Variants in AGMO observed in about 807,000 individuals in gnomAD.
AGMO encodes the protein alkylglycerol monooxygenase, also known as glyceryl-ether monooxygenase.
In AGMO, 75 loss-of-function variants were observed where a neutral mutation model predicts 60.2. The observed-to-expected ratio is 1.25, with a 90% CI of 1.03 to 1.51. The LOEUF (loss-of-function observed/expected upper bound fraction) is 1.51, where lower values mean the gene tolerates loss of function less well. Among genes scored for constraint, AGMO ranks in the 40% most tolerant of loss-of-function variants. The pLI is 0.00. For missense variants in AGMO, 763 were observed against 525.5 expected (o/e 1.45, Z -4.42); for synonymous variants, 261 against 177.1 (o/e 1.47, Z -3.76).
chr7:15,224,896 CACA>C lies in AGMO; in HGVS notation c.1264-23540_1264-23538del, dbSNP rs543030055. Among the ~76,000 whole-genome samples the C allele has an allele frequency of 2.0e-5, 3 of 152,018 alleles. No individual in the cohort carries two copies. The South Asian group carries it at 6.2e-4, about 32-fold the overall frequency. ...CATATTGCACATCTAGTGATATTGGCACAATTTCAAATTTTTAATTTTTTAACT... is the reference window on the plus strand; with the variant it reads ...CATATTGCACATCTAGTGATATTGGCATTTCAAATTTTTAATTTTTTAACT... On this transcript the variant is annotated intron_variant, in intron 12 of 12. Coordinates refer to ENST00000342526, the MANE Select transcript of AGMO (RefSeq NM_001004320.2).
intron 12 of AGMO, among the ~76,000 whole-genome samples, chr7:15,357,699 T>C (rs893059048): frequency 2.0e-5 from 3 of 152,200 alleles, no homozygotes; most frequent in Non-Finnish European, 4.4e-5. Context: ...TGAGAGGCTA[T>C]GCGGACAGAA....
chr7:15,121,455 C>T, the AGMO span, among the ~76,000 whole-genome samples: 23 of 152,256 alleles, frequency 1.5e-4, no homozygotes, highest in African/African-American at 4.3e-4. Flanking sequence ...AAAAGCGTTC[C>T]TATTTCTCCA....
At chr7:15,510,094 G>C (rs1783628311) in intron 3 of AGMO, among the ~76,000 whole-genome samples, 1 of 152,118 alleles carries the variant, frequency 6.6e-6, no homozygotes, top group African/African-American at 2.4e-5. Flanking sequence ...AACCAGTATA[G>C]GGAAGAGATC....
chr7:15,471,775 T>G (rs1226340600), intron 3 of AGMO, among the ~76,000 whole-genome samples: 1 of 151,850 alleles, frequency 6.6e-6, no homozygotes, highest in Non-Finnish European at 1.5e-5. Context: ...GACTGCAATT[T>G]AAAATTTCCA....
chr7:15,287,625 G>T (rs888746767), intron 12 of AGMO, among the ~76,000 whole-genome samples: 3 of 152,120 alleles, frequency 2.0e-5, no homozygotes, highest in Admixed American at 1.3e-4. Context: ...AAAGTGAGTT[G>T]TATCAATTTA....
chr7:15,214,915 C>G (rs1781690822), intron 12 of AGMO, among the ~76,000 whole-genome samples: 1 of 151,950 alleles, frequency 6.6e-6, no homozygotes, highest in South Asian at 2.1e-4. Context: ...CTTTAACTGC[C>G]TACATCTTTT....
intron 3 of AGMO, among the ~76,000 whole-genome samples, chr7:15,453,049 G>T (rs182174933): frequency 6.6e-6 from 1 of 152,016 alleles, no homozygotes; most frequent in African/African-American, 2.4e-5. Flanking sequence ...GTAGATTAGC[G>T]GCTGCCAAGG....
In AGMO at chr7:15,324,671, G is replaced by A. The variant is rs1458543254; in HGVS notation, c.1263+40843C>T. On this transcript the variant is annotated intron_variant, in intron 12 of 12. Transcript: ENST00000342526. ...AAGGCAATTTTCCCACAGATGGTGG[G>A]GGGCGGTGTCGGGGAGAAGATACGG... Among the ~76,000 whole-genome samples the A allele has an allele frequency of 2.6e-5, 4 of 152,118 alleles. No individual in the cohort carries two copies. In the East Asian group the frequency reaches 7.7e-4, roughly 29 times the overall value.
At position 15,390,906 on chromosome 7, in the gene AGMO, C is replaced by G. The variant is rs1177859754; in HGVS notation, c.677-1G>C. On this transcript the variant is annotated splice_acceptor_variant, in intron 6 of 12. Transcript: ENST00000342526. LOFTEE classifies it high-confidence loss of function. ...TTGTCTATGCAATAACGATTTCTGCCTATGAGACAAAATATTAGAAATTTT... is the reference window on the plus strand; with the variant it reads ...TTGTCTATGCAATAACGATTTCTGCGTATGAGACAAAATATTAGAAATTTT... 3.1e-5 allele frequency: 49 copies of G among 1,579,622 alleles called. No individual in the cohort carries two copies. Among genetic ancestry groups the G allele is most frequent in the Non-Finnish European group, 4.2e-5 (49 of 1,161,588 alleles).
intron 12 of AGMO, among the ~76,000 whole-genome samples, chr7:15,269,216 A>T (rs1331101019): frequency 6.6e-6 from 1 of 152,112 alleles, no homozygotes; most frequent in Non-Finnish European, 1.5e-5. Flanking sequence ...CTGACTCCTG[A>T]TTTAGCAGCT....
chr7:15,201,914 A>G (rs1172739926), intron 12 of AGMO, among the ~76,000 whole-genome samples: 2 of 152,162 alleles, frequency 1.3e-5, no homozygotes, highest in Non-Finnish European at 2.9e-5. Flanking sequence ...CTGAAGACTT[A>G]ACTGAATCAT....
chr7:15,285,833 A>G (rs911412064), intron 12 of AGMO, among the ~76,000 whole-genome samples: 1 of 152,184 alleles, frequency 6.6e-6, no homozygotes, highest in Non-Finnish European at 1.5e-5. Flanking sequence ...CTACAAAGTC[A>G]TAACTACCAA....
chr7:15,447,808 C>T (rs1216461215), intron 3 of AGMO, among the ~76,000 whole-genome samples: 2 of 152,086 alleles, frequency 1.3e-5, no homozygotes, highest in African/African-American at 4.8e-5. Context: ...CTGCCTTGGC[C>T]TCCCAAAGCA....
intron 12 of AGMO, among the ~76,000 whole-genome samples, chr7:15,336,931 A>G (rs966100668): frequency 1.3e-5 from 2 of 152,212 alleles, no homozygotes; most frequent in African/African-American, 4.8e-5. Flanking sequence ...TGGTCCTTTT[A>G]AAGTTCATGA....
chr7:15,187,791 G>C, the AGMO span, among the ~76,000 whole-genome samples: 6 of 152,162 alleles, frequency 3.9e-5, no homozygotes, highest in Admixed American at 1.3e-4. Flanking sequence ...GTCAAGAAAG[G>C]GCTTTCCTTG....
At chr7:15,530,337 T>G (rs1183498859) in intron 3 of AGMO, among the ~76,000 whole-genome samples, 1 of 106,562 alleles carries the variant, frequency 9.4e-6, no homozygotes, top group East Asian at 3.0e-4. Flanking sequence ...TTTCCATATA[T>G]ATTCTATATA....
At chr7:15,438,030 T>C (rs548797926) in intron 3 of AGMO, among the ~76,000 whole-genome samples, 122 of 152,232 alleles carry the variant, frequency 8.0e-4, no homozygotes, top group African/African-American at 2.6e-3. Flanking sequence ...AGTTCTAGTA[T>C]GCAGAATTTA....
intron 12 of AGMO, among the ~76,000 whole-genome samples, chr7:15,283,570 G>T (rs972711018): frequency 6.6e-6 from 1 of 151,954 alleles, no homozygotes; most frequent in African/African-American, 2.4e-5. Context: ...CTCTGGAGCT[G>T]CCAGATTTAC....
chr7:15,381,744 C>T (rs903122004), intron 10 of AGMO, among the ~76,000 whole-genome samples: 2 of 152,098 alleles, frequency 1.3e-5, no homozygotes, highest in Admixed American at 1.3e-4. Flanking sequence ...AAACACTATT[C>T]ACAATATCAA....
Sources: allele counts gnomAD v4.1 joint callset (sites outside exome capture counted in the v4.1 genomes callset), GRCh38; gene constraint gnomAD v4.1.1; transcripts MANE v1.5; gene names NCBI Gene and HGNC (gene_info 2026-07-23, HGNC 2026-07-21).